SUMF1: variants seen among roughly 807,000 people sequenced by gnomAD.
SUMF1 encodes the protein formylglycine-generating enzyme.
In SUMF1, 48 loss-of-function variants were observed where a neutral mutation model predicts 47.6. The observed-to-expected ratio is 1.01, with a 90% CI of 0.80 to 1.28. SUMF1 has a LOEUF of 1.28. Among genes scored for constraint, SUMF1 ranks in the 50% most tolerant of loss-of-function variants. SUMF1 has a pLI of 0.00. For synonymous variants in SUMF1, 230 were observed against 192.1 expected, an observed-to-expected ratio of 1.20 and a Z score of -1.63; for missense variants, 571 against 485.4, an observed-to-expected ratio of 1.18 and a Z score of -1.66.
At chr3:4,293,240 A>G (rs1324785622) in intron 8 of SUMF1, among the ~76,000 whole-genome samples, 2 of 152,150 alleles carry the variant, frequency 1.3e-5, no homozygotes, top group Non-Finnish European at 2.9e-5. Context: ...ATTATATGTA[A>G]TATGTTCTAA....
chr3:4,449,293 C>G lies in SUMF1; in HGVS notation c.492G>C (p.Glu164Asp). 9 of 1,614,170 alleles carry G rather than the reference C, an allele frequency of 5.6e-6. No individual in the cohort carries two copies. Among genetic ancestry groups the G allele is most frequent in the Non-Finnish European group, 7.6e-6 (9 of 1,180,000 alleles). The change falls in exon 3 of 9, where the codon GAG becomes GAC. Residue 164 changes from glutamate to aspartate, a missense_variant. Glu to Asp is a conservative substitution (Grantham distance 45). Transcript: ENST00000272902. ...CCTGTTGAATATTGGTCTTCACTTG[C>G]TCACTCAACATGCCTTCAAAGACAA... is the stretch of plus-strand genomic sequence containing the variant. ...DSFVFEGMLSEQVKTNIQQAV... is the reference protein window; with the variant it reads ...DSFVFEGMLSDQVKTNIQQAV...
intron 8 of SUMF1, among the ~76,000 whole-genome samples, chr3:4,140,686 A>G (rs1453083067): frequency 1.3e-5 from 2 of 151,984 alleles, no homozygotes; most frequent in African/African-American, 2.4e-5. Flanking sequence ...ACACTACTTT[A>G]TGTAGTATAT....
intron 8 of SUMF1, among the ~76,000 whole-genome samples, chr3:4,272,078 G>A (rs1011174751): frequency 5.9e-5 from 9 of 152,082 alleles, no homozygotes; most frequent in Non-Finnish European, 8.8e-5. Flanking sequence ...TTCCTGACCC[G>A]GACTGGAATT....
intron 8 of SUMF1, among the ~76,000 whole-genome samples, chr3:4,115,049 T>A (rs1382189318): frequency 6.7e-6 from 1 of 149,890 alleles, no homozygotes; most frequent in Admixed American, 6.6e-5. Flanking sequence ...AAGACCACCC[T>A]GGCCCACCAC....
At chr3:4,268,357 G>A (rs572850474) in intron 8 of SUMF1, among the ~76,000 whole-genome samples, 34 of 152,030 alleles carry the variant, frequency 2.2e-4, no homozygotes, top group African/African-American at 7.5e-4. Context: ...TGGGTGCAGC[G>A]CACCAGCATG....
downstream of SUMF1, among the ~76,000 whole-genome samples, chr3:4,360,223 T>TTTTTTTTTTG (rs1699715536): frequency 6.7e-6 from 1 of 149,782 alleles, no homozygotes; most frequent in African/African-American, 2.4e-5. Context: ...TTTTTTTTTT[T>TTTTTTTTTTG]GCCTGGGATT....
intron 8 of SUMF1, among the ~76,000 whole-genome samples, chr3:4,125,091 A>G (rs942359471): frequency 5.9e-5 from 9 of 152,160 alleles, no homozygotes; most frequent in African/African-American, 2.2e-4. Flanking sequence ...ACAAAATAAA[A>G]TGTTAAATAC....
At chr3:4,426,941 T>C (rs959408190) in intron 3 of SUMF1, among the ~76,000 whole-genome samples, 3 of 152,168 alleles carry the variant, frequency 2.0e-5, no homozygotes, top group Non-Finnish European at 4.4e-5. Flanking sequence ...ACAATGTAAA[T>C]AGGACCCACG....
intron 1 of SUMF1, among the ~76,000 whole-genome samples, chr3:4,457,484 C>G (rs2079695038): frequency 6.6e-6 from 1 of 152,064 alleles, no homozygotes; most frequent in Non-Finnish European, 1.5e-5. Context: ...ACCACACTAT[C>G]TGACTTCAAA....
chr3:4,382,319 TAC>T (rs200530925), intron 7 of SUMF1, among the ~76,000 whole-genome samples: 4,066 of 142,252 alleles, frequency 0.029, 172 homozygotes, highest in African/African-American at 0.1. Context: ...CTCTTATACA[TAC>T]ACACACACAT....
At chr3:4,176,646 C>G (rs377412200) in intron 8 of SUMF1, among the ~76,000 whole-genome samples, 4 of 152,140 alleles carry the variant, frequency 2.6e-5, no homozygotes, top group Non-Finnish European at 4.4e-5. Context: ...GGCAAAATAA[C>G]CAGTCAACTT....
At chr3:4,455,496 ACCTGAGGTCAAGAAT>A (rs1703128865) in intron 1 of SUMF1, among the ~76,000 whole-genome samples, 4 of 152,196 alleles carry the variant, frequency 2.6e-5, no homozygotes, top group African/African-American at 9.7e-5. Flanking sequence ...CAGGTGGATC[ACCTGAGGTCAAGAAT>A]TTCAGGCCAG....
intron 8 of SUMF1, among the ~76,000 whole-genome samples, chr3:4,208,469 C>A (rs1305963594): frequency 9.9e-3 from 1,306 of 131,958 alleles, no homozygotes; most frequent in Non-Finnish European, 9.9e-3. Flanking sequence ...TTCTAGAAGG[C>A]AAAAAAAAAA....
chr3:4,401,667 C>A (rs1170508350), intron 7 of SUMF1, among the ~76,000 whole-genome samples: 1 of 152,180 alleles, frequency 6.6e-6, no homozygotes, highest in African/African-American at 2.4e-5. Context: ...GAAACCCAGG[C>A]GACTGACCTC....
rs867197652 is a variant in SUMF1, at chr3:4,452,961, G to GT, written c.358dup (p.Thr120AsnfsTer3). ...GGCATCCATGTAAAAGGCATCAATA[G>GT]TAACTCTCCTCGCAGGTGCTTCCCC... is the stretch of plus-strand genomic sequence containing the variant. On this transcript the variant is annotated frameshift_variant, in exon 2 of 9. Transcript: ENST00000272902. LOFTEE classifies it high-confidence loss of function. 6.2e-7 allele frequency: 1 copy of GT among 1,614,072 alleles called. No individual in the cohort carries two copies. Among genetic ancestry groups the GT allele is most frequent in the African/African-American group, 1.3e-5 (1 of 74,934 alleles).
chr3:4,309,791 A>C (rs964322837), intron 8 of SUMF1, among the ~76,000 whole-genome samples: 8 of 152,230 alleles, frequency 5.3e-5, no homozygotes, highest in African/African-American at 1.9e-4. Context: ...GGCTTAGGTC[A>C]TATCAGCTGA....
In SUMF1 at chr3:4,202,810, T is replaced by G. The variant is rs960981951; in HGVS notation, c.1015-134065A>C. Among the ~76,000 whole-genome samples, 11 of 152,122 alleles carry G rather than the reference T, an allele frequency of 7.2e-5. 1 individual carries two copies. The East Asian group carries it at 1.4e-3, about 19-fold the overall frequency. On this transcript the variant is annotated intron_variant and NMD_transcript_variant, in intron 8 of 12. Transcript: ENST00000448413. ...ATTTGTTTTAATGAATTTTTCAATA[T>G]CCTTCTTAATTTCTTCATTGGCCCA...
rs60257256 is a variant in SUMF1, at chr3:4,040,099, T to G, written c.1191+28470A>C. ...TTTTACCACACACACAAAAGAGAGA[T>G]AACTATGTAAGGTGATAGATATGTT... On this transcript the variant is annotated intron_variant and NMD_transcript_variant, in intron 9 of 12. Coordinates refer to the SUMF1 transcript ENST00000448413. 8.0e-3 allele frequency among the ~76,000 whole-genome samples: 1,216 copies of G among 152,274 alleles called. 22 individuals carry two copies. Among genetic ancestry groups the G allele is most frequent in the African/African-American group, 0.028 (1,151 of 41,556 alleles).
chr3:4,365,672 T>C (rs556014846), intron 8 of SUMF1, among the ~76,000 whole-genome samples: 1 of 146,766 alleles, frequency 6.8e-6, no homozygotes, highest in Non-Finnish European at 1.5e-5. Context: ...CTTTATCCAA[T>C]TTGCCAGTCT....
Sources: allele counts gnomAD v4.1 joint callset (sites outside exome capture counted in the v4.1 genomes callset), GRCh38; gene constraint gnomAD v4.1.1; transcripts MANE v1.5; gene names NCBI Gene and HGNC (gene_info 2026-07-23, HGNC 2026-07-21).